Variants in SCAI observed in about 807,000 individuals in gnomAD.
SCAI encodes the protein suppressor of cancer cell invasion, also known as protein SCAI.
SCAI carries 24 observed loss-of-function variants against 92.2 expected under a neutral mutation model. That is an observed-to-expected ratio of 0.26 (90% CI 0.19 to 0.37). The LOEUF is 0.37. Ranked by LOEUF, SCAI falls within the 10% of genes least tolerant of loss-of-function variation. The probability of loss-of-function intolerance (pLI) is 1.00; values close to 1 mark genes in which losing one functional copy is unlikely to be tolerated. For missense variants in SCAI, 450 were observed against 736.2 expected (o/e 0.61, Z 4.50); for synonymous variants, 261 against 258.6 (o/e 1.01, Z -0.09).
chr9:125,136,702 G>T lies in SCAI; in HGVS notation c.98+5931C>A, dbSNP rs567065061. 6.0e-3 allele frequency among the ~76,000 whole-genome samples: 914 copies of T among 151,186 alleles called. 5 individuals carry two copies. The highest frequency in any genetic ancestry group is 0.01 in the Middle Eastern group (3 of 290). On this transcript the variant is annotated intron_variant, in intron 2 of 17. Coordinates refer to ENST00000336505, the MANE Select transcript of SCAI (RefSeq NM_001144877.3). The stretch of plus-strand genomic sequence containing the variant: ...TCTCAAACTCCTGACCTCGTGATCT[G>T]CCAGCCTGGGCCTCCCAAAGTGCTG...
At chr9:125,118,050 A>AGTGC (rs1564420961) in intron 2 of SCAI, among the ~76,000 whole-genome samples, 1 of 151,880 alleles carries the variant, frequency 6.6e-6, no homozygotes, top group African/African-American at 2.4e-5. Context: ...CCTCTCTTGG[A>AGTGC]CTCCTCCTTC....
intron 3 of SCAI, among the ~76,000 whole-genome samples, chr9:125,054,442 G>A (rs947850261): frequency 1.3e-5 from 2 of 151,754 alleles, no homozygotes; most frequent in Non-Finnish European, 2.9e-5. Flanking sequence ...GGCAGGGACT[G>A]TTAGCTTTAT....
intron 14 of SCAI, among the ~76,000 whole-genome samples, chr9:124,983,882 G>A (rs1029652995): frequency 2.0e-5 from 3 of 152,098 alleles, no homozygotes; most frequent in Non-Finnish European, 2.9e-5. Context: ...TCTGTGCCTT[G>A]GTTTTCTTAT....
At chr9:125,008,914 A>G (rs1227344524) in intron 9 of SCAI, among the ~76,000 whole-genome samples, 1 of 152,210 alleles carries the variant, frequency 6.6e-6, no homozygotes, top group Non-Finnish European at 1.5e-5. Context: ...GTAAAACTGC[A>G]AAGAATCAAA....
At chr9:125,105,530 T>C (rs933049697) in intron 2 of SCAI, among the ~76,000 whole-genome samples, 4 of 152,314 alleles carry the variant, frequency 2.6e-5, no homozygotes, top group Non-Finnish European at 4.4e-5. Flanking sequence ...ATAAAGAAAT[T>C]TGAATGTTCT....
chr9:125,076,386 C>T (rs1239856584), intron 2 of SCAI, among the ~76,000 whole-genome samples: 2 of 152,014 alleles, frequency 1.3e-5, no homozygotes, highest in Non-Finnish European at 2.9e-5. Context: ...GTAATCCCAG[C>T]TACTCAGGAG....
At chr9:125,118,423 T>C (rs1014264935) in intron 2 of SCAI, among the ~76,000 whole-genome samples, 1 of 151,970 alleles carries the variant, frequency 6.6e-6, no homozygotes. Flanking sequence ...AAGACAGAGG[T>C]AGGAGATCTC....
chr9:124,989,053 C>T lies in SCAI; in HGVS notation c.1326+5881G>A, dbSNP rs558371976. Reference sequence around the variant, plus strand: ...ACTCGGGAGGCTGAGGCAGGAGAATCTCCTGAACCTGGGTGGTGGATGTTG... The same window carrying T: ...ACTCGGGAGGCTGAGGCAGGAGAATTTCCTGAACCTGGGTGGTGGATGTTG... On this transcript the variant is annotated intron_variant, in intron 14 of 17. Coordinates refer to ENST00000336505, the MANE Select transcript of SCAI (RefSeq NM_001144877.3). 3.3e-5 allele frequency among the ~76,000 whole-genome samples: 5 copies of T among 152,170 alleles called. No homozygotes were observed. The East Asian group carries it at 9.7e-4, about 29-fold the overall frequency.
chr9:125,004,761 A>AGT (rs1832452196), intron 9 of SCAI, among the ~76,000 whole-genome samples: 1 of 9,054 alleles, frequency 1.1e-4, no homozygotes, highest in Admixed American at 1.5e-3. Context: ...ATATATATAT[A>AGT]TATATATATA....
chr9:125,075,246 C>T (rs924080324), intron 2 of SCAI, among the ~76,000 whole-genome samples: 2 of 152,102 alleles, frequency 1.3e-5, no homozygotes, highest in South Asian at 2.1e-4. Flanking sequence ...GCAGAAAATA[C>T]AATGTACTTT....
intron 3 of SCAI, among the ~76,000 whole-genome samples, chr9:125,039,933 T>G (rs1833285245): frequency 6.6e-6 from 1 of 152,218 alleles, no homozygotes; most frequent in South Asian, 2.1e-4. Context: ...TATGTTTCTT[T>G]CCTTTTCAAT....
chr9:125,047,496 T>C lies in SCAI; in HGVS notation c.230+8380A>G, dbSNP rs374870917. ...TGGTAACCATCAAATCCCAGGTGGTTGGAGACAAATTACCAACAGCCAAAA... is the reference window on the plus strand; with the variant it reads ...TGGTAACCATCAAATCCCAGGTGGTCGGAGACAAATTACCAACAGCCAAAA... On this transcript the variant is annotated intron_variant, in intron 3 of 17. Transcript: ENST00000336505. 1.4e-3 allele frequency among the ~76,000 whole-genome samples: 206 copies of C among 152,298 alleles called. 3 individuals are homozygous for C. The highest frequency in any genetic ancestry group is 4.6e-3 in the African/African-American group (191 of 41,564).
At chr9:125,008,057 G>T (rs1832549717) in intron 9 of SCAI, among the ~76,000 whole-genome samples, 1 of 150,982 alleles carries the variant, frequency 6.6e-6, no homozygotes, top group Non-Finnish European at 1.5e-5. Flanking sequence ...GTGTTAGCCA[G>T]GATGGTCTCG....
intron 17 of SCAI, among the ~76,000 whole-genome samples, chr9:124,970,060 G>A (rs1320327072): frequency 6.6e-6 from 1 of 152,006 alleles, no homozygotes; most frequent in East Asian, 1.9e-4. Context: ...CATCATGTTG[G>A]CCAGCCTGGT....
intron 3 of SCAI, among the ~76,000 whole-genome samples, chr9:125,034,979 CTA>C (rs1465903696): frequency 6.6e-6 from 1 of 152,154 alleles, no homozygotes; most frequent in African/African-American, 2.4e-5. Context: ...AAATATTTAA[CTA>C]TGATTATAGC....
In SCAI at chr9:124,950,611, C is replaced by G. The variant is rs1831220731; in HGVS notation, c.*2196G>C. ...AATGAACACTGTTACTAAAGGAAAG[C>G]TATGAAGTTTATTAAGATACTGAAA... On this transcript the variant is annotated 3_prime_UTR_variant, in exon 18 of 18. Transcript: ENST00000336505. 6.6e-6 allele frequency: 1 copy of G among 151,756 alleles called. No homozygotes were observed. The highest frequency in any genetic ancestry group is 1.5e-5 in the Non-Finnish European group (1 of 67,934). The allele number at this position is 151,756 out of a possible 1,614,324, so 9.4% of individuals were successfully genotyped here.
intron 9 of SCAI, among the ~76,000 whole-genome samples, chr9:125,011,644 A>C (rs1832643244): frequency 6.6e-6 from 1 of 152,236 alleles, no homozygotes; most frequent in Admixed American, 6.5e-5. Flanking sequence ...CCAATCTAGC[A>C]AGGCAGGCCA....
chr9:125,130,936 CTTTTTTTTTTT>C (rs545651994), intron 2 of SCAI, among the ~76,000 whole-genome samples: 13 of 77,274 alleles, frequency 1.7e-4, no homozygotes, highest in African/African-American at 3.0e-4. Context: ...GTTTGAACCG[CTTTTTTTTTTT>C]TTTTTTTTTT....
chr9:125,115,607 A>G (rs1835030267), intron 2 of SCAI, among the ~76,000 whole-genome samples: 1 of 152,202 alleles, frequency 6.6e-6, no homozygotes, highest in South Asian at 2.1e-4. Context: ...AGCAAACTAA[A>G]GAATACATAC....
Sources: gnomAD v4.1 joint callset for allele counts (sites outside exome capture counted in the v4.1 genomes callset) on GRCh38, gnomAD v4.1.1 for gene constraint, MANE v1.5 for transcripts, NCBI Gene and HGNC (gene_info 2026-07-23, HGNC 2026-07-21) for gene names.